DNAH6: variants seen among roughly 807,000 people sequenced by gnomAD.
The protein encoded by DNAH6 is axonemal beta dynein heavy chain 6.
Under a neutral mutation model 491.4 loss-of-function variants are expected in DNAH6, and 340 were observed. That is an observed-to-expected ratio of 0.69 (90% confidence interval 0.63 to 0.76). The LOEUF is 0.76. Among genes scored for constraint, DNAH6 ranks in the 30% least tolerant of loss-of-function variants. The probability of loss-of-function intolerance (pLI) is 0.00; values close to 1 mark genes in which losing one functional copy is unlikely to be tolerated. For synonymous variants in DNAH6, 1,603 were observed against 1,686.1 expected (o/e 0.95, Z 1.21); for missense variants, 4,443 against 4,972.2 (o/e 0.89, Z 3.20).
intron 59 of DNAH6, among the ~76,000 whole-genome samples, chr2:84,719,565 C>A (rs950130208): frequency 2.0e-5 from 3 of 152,054 alleles, no homozygotes; most frequent in Admixed American, 2.0e-4. Context: ...GGCTGGAGTG[C>A]AGTGGCATGA....
chr2:84,530,055 A>G (rs979318288), intron 4 of DNAH6, among the ~76,000 whole-genome samples: 7 of 152,232 alleles, frequency 4.6e-5, no homozygotes, highest in Non-Finnish European at 1.0e-4. Context: ...TGAAAATGCA[A>G]TCGTTCAGCA....
chr2:84,624,144 A>G, intron 26 of DNAH6, 121 bp from the exon 27 acceptor site: 1 of 885,230 alleles, frequency 1.1e-6, no homozygotes, highest in Non-Finnish European at 1.7e-6. Context: ...TCACAAAATT[A>G]TAGATTCTTA....
intron 33 of DNAH6, among the ~76,000 whole-genome samples, chr2:84,643,850 A>C (rs1689642353): frequency 6.6e-6 from 1 of 151,742 alleles, no homozygotes; most frequent in Non-Finnish European, 1.5e-5. Context: ...TAATTTCAGC[A>C]TCCCTCCCAT....
chr2:84,675,784 G>A (rs1474633592), intron 40 of DNAH6, among the ~76,000 whole-genome samples: 3 of 152,028 alleles, frequency 2.0e-5, no homozygotes, highest in Admixed American at 6.6e-5. Flanking sequence ...TCAGCCCCCC[G>A]AGTAGCTGGG....
chr2:84,540,341 G>A (rs1463699345), intron 4 of DNAH6, among the ~76,000 whole-genome samples: 1 of 152,160 alleles, frequency 6.6e-6, no homozygotes, highest in East Asian at 1.9e-4. Context: ...TGGATTTAAT[G>A]ACAGGAGCAA....
chr2:84,701,924 T>C (rs17025497), intron 49 of DNAH6, among the ~76,000 whole-genome samples: 27,438 of 152,176 alleles, frequency 0.18, 2,676 homozygotes, highest in African/African-American at 0.24. Flanking sequence ...TTCCTGCTGT[T>C]GGTCTGAGGG....
intron 39 of DNAH6, among the ~76,000 whole-genome samples, chr2:84,671,708 C>T (rs931623166): frequency 1.3e-5 from 2 of 152,182 alleles, no homozygotes; most frequent in Non-Finnish European, 2.9e-5. Context: ...CTCAGTTTGC[C>T]TTGGAATCAC....
At chr2:84,798,878 G>C (rs559529128) in intron 70 of DNAH6, among the ~76,000 whole-genome samples, 1 of 152,112 alleles carries the variant, frequency 6.6e-6, no homozygotes, top group Non-Finnish European at 1.5e-5. Context: ...ACCACCCAGG[G>C]ATATCAAGTT....
At chr2:84,575,816 G>T (rs747201340) in intron 12 of DNAH6, among the ~76,000 whole-genome samples, 1 of 152,116 alleles carries the variant, frequency 6.6e-6, no homozygotes, top group Non-Finnish European at 1.5e-5. Flanking sequence ...CCCAGGAGGC[G>T]GAGCTTGCAG....
chr2:84,539,501 G>T (rs1678028012), intron 4 of DNAH6, among the ~76,000 whole-genome samples: 1 of 152,156 alleles, frequency 6.6e-6, no homozygotes. Flanking sequence ...TGATCAGTCT[G>T]TGGTGGAGCC....
At chr2:84,659,243 G>C in intron 37 of DNAH6, 74 bp downstream of exon 37, 1 of 884,506 alleles carries the variant, frequency 1.1e-6, no homozygotes, top group Non-Finnish European at 1.6e-6. Flanking sequence ...AACTTTAAAA[G>C]CTTTAGTTCT....
At chr2:84,493,892 T>G in the DNAH6 span, among the ~76,000 whole-genome samples, 1 of 152,134 alleles carries the variant, frequency 6.6e-6, no homozygotes, top group South Asian at 2.1e-4. Context: ...TTTGTTCAGT[T>G]TGAAGAGACT....
chr2:84,674,082 G>A (rs2104687827), intron 40 of DNAH6, among the ~76,000 whole-genome samples: 1 of 152,294 alleles, frequency 6.6e-6, no homozygotes. Flanking sequence ...AGGGCGGGGG[G>A]CATGTTTCGT....
chr2:84,705,498 A>G lies in DNAH6; in HGVS notation c.8478A>G (p.Pro2826=). The change falls in exon 52 of 77, where the codon CCA becomes CCG. Residue 2826 remains proline (P), a synonymous_variant. Transcript: ENST00000389394. ...GTCTGTCTTTCAGGCCTGATTGGCCATCAGCAAAGCAACTTCTTGGTGACT... is the reference window on the plus strand; with the variant it reads ...GTCTGTCTTTCAGGCCTGATTGGCCGTCAGCAAAGCAACTTCTTGGTGACT... ...SILLNAKPDW[P]SAKQLLGDSN... The G allele has an allele frequency of 5.2e-6, 8 of 1,547,850 alleles. No homozygotes were observed. Among genetic ancestry groups the G allele is most frequent in the Non-Finnish European group, 7.0e-6 (8 of 1,145,082 alleles).
chr2:84,744,793 T>G (rs1478188068), intron 62 of DNAH6, among the ~76,000 whole-genome samples: 2 of 152,222 alleles, frequency 1.3e-5, no homozygotes, highest in Non-Finnish European at 2.9e-5. Context: ...AATCTTCTTT[T>G]TGCTCACATT....
chr2:84,560,629 T>TC (rs1346582450), intron 11 of DNAH6, among the ~76,000 whole-genome samples: 1 of 151,126 alleles, frequency 6.6e-6, no homozygotes, highest in African/African-American at 2.5e-5. Context: ...CCCACAACAG[T>TC]CCCCAGAGTG....
chr2:84,585,318 G>T (rs1489290031), intron 15 of DNAH6, among the ~76,000 whole-genome samples: 1 of 152,152 alleles, frequency 6.6e-6, no homozygotes, highest in African/African-American at 2.4e-5. Flanking sequence ...GATATTTGGG[G>T]TGTCATTTTT....
intron 26 of DNAH6, 100 bp from the exon 27 acceptor site, chr2:84,624,165 G>GT: frequency 9.0e-7 from 1 of 1,116,800 alleles, no homozygotes; most frequent in East Asian, 2.6e-5. Context: ...AAATTAGCTG[G>GT]TTTTTAGCAA....
In DNAH6 at chr2:84,704,235, GT is replaced by G; in HGVS notation, c.8403del (p.Phe2801LeufsTer9). The G allele has an allele frequency of 6.4e-7, 1 of 1,551,812 alleles. No homozygotes were observed. Among genetic ancestry groups the G allele is most frequent in the Non-Finnish European group, 8.7e-7 (1 of 1,147,030 alleles). Reference sequence around the variant, plus strand: ...TAAGGCAGATATATCTGAAATCAGAGTTTTTACAAAGCCCCCAGATTTGGTC... The same window carrying G: ...TAAGGCAGATATATCTGAAATCAGAGTTTTACAAAGCCCCCAGATTTGGTC... ...LDKADISEIR[V>X]FTKPPDLVMT... On this transcript the variant is annotated frameshift_variant, in exon 51 of 77. Transcript: ENST00000389394. LOFTEE classifies it high-confidence loss of function.
Sources: allele counts gnomAD v4.1 joint callset (sites outside exome capture counted in the v4.1 genomes callset), GRCh38; gene constraint gnomAD v4.1.1; transcripts MANE v1.5; gene names NCBI Gene and HGNC (gene_info 2026-07-23, HGNC 2026-07-21).